Variants in COG5 observed in about 807,000 individuals in gnomAD.
The protein encoded by COG5 is conserved oligomeric Golgi complex subunit 5.
Under a neutral mutation model 110.4 loss-of-function variants are expected in COG5, and 86 were observed. The ratio of observed to expected loss-of-function variants is 0.78; its 90% CI spans 0.65 to 0.93. The LOEUF (loss-of-function observed/expected upper bound fraction) is 0.93. Among genes scored for constraint, COG5 ranks in the 40% least tolerant of loss-of-function variants. The pLI is 0.00. For missense variants in COG5, 1,077 were observed against 987.0 expected (o/e 1.09, Z -1.22); for synonymous variants, 360 against 334.6 (o/e 1.08, Z -0.83).
chr7:107,277,015 G>A (rs1292967121), intron 14 of COG5, among the ~76,000 whole-genome samples: 1 of 152,192 alleles, frequency 6.6e-6, no homozygotes, highest in Admixed American at 6.5e-5. Context: ...GAACTCAGAT[G>A]TGAAGCATCA....
intron 7 of COG5, among the ~76,000 whole-genome samples, chr7:107,391,319 G>A (rs1402605701): frequency 6.6e-6 from 1 of 152,108 alleles, no homozygotes; most frequent in East Asian, 1.9e-4. Flanking sequence ...CTGTCGTTGG[G>A]TCAGGGTCTG....
chr7:107,233,134 A>C (rs888853908), intron 18 of COG5, among the ~76,000 whole-genome samples: 5 of 152,200 alleles, frequency 3.3e-5, no homozygotes, highest in Admixed American at 6.5e-5. Context: ...AATTGCTAGA[A>C]GTACCACTAA....
chr7:107,384,054 C>T (rs559605836), intron 7 of COG5, among the ~76,000 whole-genome samples: 2 of 152,262 alleles, frequency 1.3e-5, no homozygotes, highest in South Asian at 2.1e-4. Context: ...GTCCTTACCC[C>T]TCCCCTTGTT....
chr7:107,382,404 G>C (rs1029593997), intron 7 of COG5, among the ~76,000 whole-genome samples: 1 of 152,142 alleles, frequency 6.6e-6, no homozygotes, highest in Non-Finnish European at 1.5e-5. Flanking sequence ...CAAATAACCA[G>C]GCCAAGTATA....
rs1277285111 is a variant in COG5, at chr7:107,474,992, T to C, written c.538+52245A>G. 6.2e-7 allele frequency: 1 copy of C among 1,611,726 alleles called. No individual in the cohort carries two copies. The highest frequency in any genetic ancestry group is 8.5e-7 in the Non-Finnish European group (1 of 1,178,894). ...GAACGACGAGAAAGACAAAAGAGAGTCTTCAGGATGTCTTTATTGATTATT... is the reference window on the plus strand; with the variant it reads ...GAACGACGAGAAAGACAAAAGAGAGCCTTCAGGATGTCTTTATTGATTATT... On this transcript the variant is annotated intron_variant, in intron 6 of 21. Coordinates refer to ENST00000297135, the MANE Select transcript of COG5 (RefSeq NM_006348.5). This position sits in a 1 kb window ranked among gnomAD's most constrained non-coding sequence, Gnocchi z 5.7.
rs184239864 is a variant in COG5 at position 107,206,735 on chromosome 7, G to A, written c.2376-3105C>T. On this transcript the variant is annotated intron_variant, in intron 21 of 21. Transcript: ENST00000297135. ...CATCACGTAAGTTACACAACATGTA[G>A]AAGAGATCAGAAATGAGTTTGGTTA... Among the ~76,000 whole-genome samples the A allele has an allele frequency of 5.3e-3, 784 of 147,122 alleles. 7 individuals carry two copies. Among genetic ancestry groups the A allele is most frequent in the Non-Finnish European group, 8.3e-3 (538 of 64,982 alleles).
chr7:107,231,344 T>C (rs1800763079), intron 18 of COG5, among the ~76,000 whole-genome samples: 2 of 152,226 alleles, frequency 1.3e-5, no homozygotes, highest in South Asian at 4.1e-4. Context: ...TAAAAATTTT[T>C]CTCTTTTCAA....
At chr7:107,394,787 G>A (rs565034965) in intron 7 of COG5, among the ~76,000 whole-genome samples, 27 of 152,184 alleles carry the variant, frequency 1.8e-4, no homozygotes, top group African/African-American at 6.3e-4. Flanking sequence ...GCAAGTCCAG[G>A]GGCCCACAGT....
chr7:107,509,548 C>T (rs375564794), intron 6 of COG5, among the ~76,000 whole-genome samples: 22 of 152,010 alleles, frequency 1.4e-4, no homozygotes, highest in Non-Finnish European at 2.4e-4. Flanking sequence ...ATACAGAGAA[C>T]GCCACAAAGA....
intron 6 of COG5, among the ~76,000 whole-genome samples, chr7:107,426,702 T>C (rs1793664486): frequency 6.6e-6 from 1 of 152,152 alleles, no homozygotes; most frequent in African/African-American, 2.4e-5. Flanking sequence ...TTTCAAAATA[T>C]GAATTTGGGG....
chr7:107,482,843 T>C (rs1225318723), intron 6 of COG5, among the ~76,000 whole-genome samples: 2 of 152,196 alleles, frequency 1.3e-5, no homozygotes, highest in East Asian at 3.8e-4. Context: ...CTCAATTAAT[T>C]ATAAAATTGC....
At chr7:107,274,997 G>T (rs1372101169) in intron 14 of COG5, among the ~76,000 whole-genome samples, 1 of 151,868 alleles carries the variant, frequency 6.6e-6, no homozygotes, top group Non-Finnish European at 1.5e-5. Context: ...TCACTATGTT[G>T]CCCCAGCTAG....
At chr7:107,439,239 A>T (rs1294174430) in intron 6 of COG5, among the ~76,000 whole-genome samples, 1 of 152,056 alleles carries the variant, frequency 6.6e-6, no homozygotes, top group African/African-American at 2.4e-5. Context: ...AATCATTCCC[A>T]TCAGATATAA....
chr7:107,257,892 A>C (rs569557368), intron 15 of COG5, among the ~76,000 whole-genome samples: 9 of 152,154 alleles, frequency 5.9e-5, no homozygotes, highest in Non-Finnish European at 8.8e-5. Flanking sequence ...AACATTTTTG[A>C]CATGTTGGAG....
intron 10 of COG5, among the ~76,000 whole-genome samples, chr7:107,354,019 A>G (rs1203678737): frequency 6.6e-6 from 1 of 152,190 alleles, no homozygotes; most frequent in Non-Finnish European, 1.5e-5. Flanking sequence ...CCAAATGTTT[A>G]TTTTTTGTCT....
intron 7 of COG5, among the ~76,000 whole-genome samples, chr7:107,373,313 A>G (rs930514972): frequency 2.0e-5 from 3 of 152,194 alleles, no homozygotes; most frequent in Non-Finnish European, 2.9e-5. Flanking sequence ...GTCTTCATGG[A>G]ACTTACATTT....
intron 10 of COG5, among the ~76,000 whole-genome samples, chr7:107,351,870 A>C (rs567209367): frequency 3.3e-5 from 5 of 149,978 alleles, no homozygotes; most frequent in South Asian, 4.3e-4. Context: ...GTGGGACTGT[A>C]AACTAGTTCA....
rs745742552 is a variant in COG5, at chr7:107,474,901, G to A, written c.538+52336C>T. ...ACAAAGCAGTGGTGGGAGAAATGTAGTCTTTGGTGTAAGAACTTCAGTTTC... is the reference window on the plus strand; with the variant it reads ...ACAAAGCAGTGGTGGGAGAAATGTAATCTTTGGTGTAAGAACTTCAGTTTC... On this transcript the variant is annotated intron_variant, in intron 6 of 21. Transcript: ENST00000297135. The surrounding 1 kb of genome is among the most constrained non-coding windows in gnomAD (Gnocchi z 5.7). 76 of 1,613,092 alleles carry A rather than the reference G, an allele frequency of 4.7e-5. No homozygotes were observed. Among genetic ancestry groups the A allele is most frequent in the Non-Finnish European group, 5.8e-5 (69 of 1,179,506 alleles).
chr7:107,480,221 G>C (rs954038615), intron 6 of COG5, among the ~76,000 whole-genome samples: 3 of 151,970 alleles, frequency 2.0e-5, no homozygotes, highest in Non-Finnish European at 4.4e-5. Context: ...AGTTACCTTT[G>C]GCAACTGAGA....
Sources: gnomAD v4.1 joint callset for allele counts (sites outside exome capture counted in the v4.1 genomes callset) on GRCh38, gnomAD v4.1.1 for gene constraint, Gnocchi (gnomAD v3.1) non-coding constraint, MANE v1.5 for transcripts, NCBI Gene and HGNC (gene_info 2026-07-23, HGNC 2026-07-21) for gene names.